UBE3C: variants seen among roughly 807,000 people sequenced by gnomAD.
UBE3C encodes ubiquitin-protein ligase E3C.
UBE3C carries 42 observed loss-of-function variants against 129.4 expected under a neutral mutation model. The observed-to-expected ratio is 0.32, with a 90% CI of 0.25 to 0.42. The LOEUF is 0.42. Ranked by LOEUF, UBE3C falls within the 10% of genes least tolerant of loss-of-function variation. The pLI is 1.00. For synonymous variants in UBE3C, 510 were observed against 492.4 expected (o/e 1.04, Z -0.47); for missense variants, 1,049 against 1,319.1 (o/e 0.80, Z 3.17).
chr7:157,245,875 C>A (rs544408603), intron 18 of UBE3C, among the ~76,000 whole-genome samples: 1 of 151,684 alleles, frequency 6.6e-6, no homozygotes, highest in Non-Finnish European at 1.5e-5. Flanking sequence ...CCTGTAGTCC[C>A]AGCTACTCAG....
At chr7:157,164,778 G>T (rs1231950704) in intron 2 of UBE3C, among the ~76,000 whole-genome samples, 1 of 152,104 alleles carries the variant, frequency 6.6e-6, no homozygotes, top group Non-Finnish European at 1.5e-5. Flanking sequence ...TAGTGAATAA[G>T]ACAGACAAGG....
chr7:157,253,448 C>A (rs866062645), intron 19 of UBE3C, among the ~76,000 whole-genome samples: 1 of 152,228 alleles, frequency 6.6e-6, no homozygotes, highest in African/African-American at 2.4e-5. Flanking sequence ...TATCACTGAT[C>A]GTTACCACCA....
intron 17 of UBE3C, among the ~76,000 whole-genome samples, chr7:157,230,521 C>T (rs1003086508): frequency 1.3e-5 from 2 of 151,758 alleles, no homozygotes; most frequent in African/African-American, 4.8e-5. Flanking sequence ...ATGGTGAAAC[C>T]CCATCTCTAC....
intron 10 of UBE3C, chr7:157,192,901 T>G: frequency 1.3e-6 from 1 of 754,204 alleles, no homozygotes; most frequent in Middle Eastern, 3.8e-4. Context: ...AAGAAGACAT[T>G]TGAGGTAGTG....
rs183786196 is a variant in UBE3C at position 157,163,558 on chromosome 7, A to G, written c.67-252A>G. ...CATTTCCCCAGTTTTACCTGTACTC[A>G]TTTGTATATGTGAAGAAATCAGATT... On this transcript the variant is annotated intron_variant, in intron 1 of 22. Coordinates refer to ENST00000348165, the MANE Select transcript of UBE3C (RefSeq NM_014671.3). Among the ~76,000 whole-genome samples, 3 of 152,208 alleles carry G rather than the reference A, an allele frequency of 2.0e-5. No homozygotes were observed. The East Asian group carries it at 5.8e-4, about 29-fold the overall frequency.
chr7:157,209,436 G>A (rs1358334387), intron 13 of UBE3C, among the ~76,000 whole-genome samples: 1 of 152,110 alleles, frequency 6.6e-6, no homozygotes, highest in Non-Finnish European at 1.5e-5. Context: ...CGGTCACATG[G>A]TAAGCCTTTA....
rs550120273 is a variant in UBE3C, at chr7:157,187,644, C to T, written c.1331+623C>T. Among the ~76,000 whole-genome samples, 68 of 151,456 alleles carry T rather than the reference C, an allele frequency of 4.5e-4. 1 individual carries two copies. The South Asian group carries it at 0.014, about 30-fold the overall frequency. ...AGGCTGGAGTGCAGTGGCGCGATCT[C>T]GGCTCACTGTAGGCTCTGCCCCCCT... is the stretch of plus-strand genomic sequence containing the variant. On this transcript the variant is annotated intron_variant, in intron 10 of 22. Coordinates refer to ENST00000348165, the MANE Select transcript of UBE3C (RefSeq NM_014671.3).
chr7:157,163,276 A>G (rs944393096), intron 1 of UBE3C, among the ~76,000 whole-genome samples: 1 of 151,614 alleles, frequency 6.6e-6, no homozygotes, highest in Admixed American at 6.6e-5. Flanking sequence ...AGTCCCAGCT[A>G]CTTGGGAGGC....
chr7:157,151,520 G>T, intron 1 of UBE3C, among the ~76,000 whole-genome samples: 1 of 152,126 alleles, frequency 6.6e-6, no homozygotes, highest in East Asian at 1.9e-4. Flanking sequence ...GTGCCCTCCT[G>T]ATCATGTGCT....
At chr7:157,165,443 G>T (rs1808188001) in intron 2 of UBE3C, among the ~76,000 whole-genome samples, 1 of 149,480 alleles carries the variant, frequency 6.7e-6, no homozygotes, top group Admixed American at 6.7e-5. Context: ...TGTCAACCGG[G>T]CTGGACTGCA....
At chr7:157,144,048 G>A (rs567512124) in intron 1 of UBE3C, among the ~76,000 whole-genome samples, 2 of 152,308 alleles carry the variant, frequency 1.3e-5, no homozygotes, top group African/African-American at 4.8e-5. Flanking sequence ...GAGCTGGGAA[G>A]AATTGGGTGA....
chr7:157,171,851 C>T (rs558781238), intron 4 of UBE3C, among the ~76,000 whole-genome samples: 3 of 149,886 alleles, frequency 2.0e-5, no homozygotes, highest in Admixed American at 6.7e-5. Flanking sequence ...GGATTACAGA[C>T]GTGTACCACC....
At chr7:157,250,518 TC>T in intron 19 of UBE3C, among the ~76,000 whole-genome samples, 1 of 151,952 alleles carries the variant, frequency 6.6e-6, no homozygotes. Flanking sequence ...CATGGGTGTC[TC>T]CCTATGTTGT....
At chr7:157,189,187 A>G in intron 10 of UBE3C, 1 of 387,682 alleles carries the variant, frequency 2.6e-6, no homozygotes, top group Non-Finnish European at 4.6e-6. Flanking sequence ...CTGGGGCTGG[A>G]GCAGAAGTGC....
In UBE3C at chr7:157,159,420, C is replaced by T. The variant is rs1399991054; in HGVS notation, c.67-4390C>T. ...TGGATAAAGACAGTCTCCCCCTACC[C>T]TGTTTTATTAATATGTGAATATTAC... On this transcript the variant is annotated intron_variant, in intron 1 of 22. Transcript: ENST00000348165. 3.9e-5 allele frequency among the ~76,000 whole-genome samples: 6 copies of T among 152,170 alleles called. No individual in the cohort carries two copies. In the South Asian group the frequency reaches 6.2e-4, roughly 16 times the overall value.
chr7:157,217,067 T>C, intron 14 of UBE3C, 96 bp downstream of exon 14: 1 of 962,948 alleles, frequency 1.0e-6, no homozygotes, highest in Non-Finnish European at 1.5e-6. Context: ...AAATTATTTA[T>C]TTTATGACTC....
At chr7:157,213,409 G>T (rs1586693288) in intron 13 of UBE3C, among the ~76,000 whole-genome samples, 1 of 152,342 alleles carries the variant, frequency 6.6e-6, no homozygotes, top group East Asian at 1.9e-4. Flanking sequence ...GCACGCCTGT[G>T]GTGGGCTTGT....
intron 18 of UBE3C, 62 bp downstream of exon 18, chr7:157,231,389 T>C: frequency 6.3e-7 from 1 of 1,576,922 alleles, no homozygotes; most frequent in Non-Finnish European, 8.6e-7. Flanking sequence ...TTTATGTTTA[T>C]GTGTGGTTGT....
At chr7:157,147,241 T>C (rs1206901130) in intron 1 of UBE3C, among the ~76,000 whole-genome samples, 2 of 152,248 alleles carry the variant, frequency 1.3e-5, no homozygotes, top group Non-Finnish European at 2.9e-5. Context: ...ATATACCTTA[T>C]ACCTATTTTG....
Sources: allele counts gnomAD v4.1 joint callset (sites outside exome capture counted in the v4.1 genomes callset), GRCh38; gene constraint gnomAD v4.1.1; transcripts MANE v1.5; gene names NCBI Gene and HGNC (gene_info 2026-07-23, HGNC 2026-07-21).